The following MBOAT2 variants were observed in gnomAD, a reference collection of about 807,000 sequenced individuals.
MBOAT2 encodes the protein membrane bound glycerophospholipid O-acyltransferase 2, also known as membrane-bound glycerophospholipid O-acyltransferase 2.
Under a neutral mutation model 63.4 loss-of-function variants are expected in MBOAT2, and 28 were observed. The observed-to-expected ratio is 0.44, with a 90% CI of 0.33 to 0.61. MBOAT2 has a LOEUF of 0.61. Ranked by LOEUF, MBOAT2 falls within the 20% of genes least tolerant of loss-of-function variation. The pLI is 0.03. For synonymous variants in MBOAT2, 211 were observed against 215.6 expected, an observed-to-expected ratio of 0.98 and a Z score of 0.19; for missense variants, 470 against 605.8, an observed-to-expected ratio of 0.78 and a Z score of 2.35.
chr2:8,929,951 G>C (rs1045955076), intron 3 of MBOAT2, among the ~76,000 whole-genome samples: 3 of 152,034 alleles, frequency 2.0e-5, no homozygotes, highest in African/African-American at 7.2e-5. Flanking sequence ...TATAAACAGC[G>C]AAAATTTTGT....
Position 8,858,453 on chromosome 2 carries a change from C to A in MBOAT2, c.*226G>T. 2 of 469,484 alleles carry A rather than the reference C, an allele frequency of 4.3e-6. No homozygotes were observed. Among genetic ancestry groups the A allele is most frequent in the Non-Finnish European group, 3.8e-6 (1 of 264,994 alleles). 29.1% of individuals were successfully genotyped at this position (469,484 alleles called of 1,614,324 possible). A position where few individuals can be genotyped will look rare whatever the true frequency, so the allele number is the denominator to read the frequency against. ...CAAGTGCTGAGGTTGGGAGTGCCCA[C>A]TGAAATATGGAAATATTCTTACATA... is the stretch of plus-strand genomic sequence containing the variant. On this transcript the variant is annotated 3_prime_UTR_variant, in exon 13 of 13. Coordinates refer to ENST00000305997, the MANE Select transcript of MBOAT2 (RefSeq NM_138799.4).
chr2:8,995,872 T>C (rs1672263432), intron 1 of MBOAT2, among the ~76,000 whole-genome samples: 2 of 152,312 alleles, frequency 1.3e-5, no homozygotes, highest in Admixed American at 1.3e-4. Context: ...ATTACAGGCG[T>C]GAGCCATCGC....
intron 2 of MBOAT2, among the ~76,000 whole-genome samples, chr2:8,948,926 A>G (rs1157398202): frequency 6.6e-6 from 1 of 152,254 alleles, no homozygotes; most frequent in Non-Finnish European, 1.5e-5. Context: ...ACTGCTTTCC[A>G]CAATGGCCGA....
In MBOAT2 at chr2:8,950,231, G is replaced by A. The variant is rs141464136; in HGVS notation, c.222-6967C>T. Among the ~76,000 whole-genome samples, 745 of 152,040 alleles carry A rather than the reference G, an allele frequency of 4.9e-3. 2 individuals carry two copies. Among genetic ancestry groups the A allele is most frequent in the Non-Finnish European group, 8.0e-3 (547 of 67,962 alleles). On this transcript the variant is annotated intron_variant, in intron 2 of 12. Transcript: ENST00000305997. ...AACAGCCTTCTGGAGGAGTCTTTAG[G>A]GTTTTCTAAGTATAGAATCATATCA...
rs140234152 is a variant in MBOAT2, at chr2:8,895,813, A to G, written c.396-7740T>C. The stretch of plus-strand genomic sequence containing the variant: ...GAACATCTGTAGGTTGATGGCCTCG[A>G]TTCTAGAGGAAACAAATTTGACAAA... On this transcript the variant is annotated intron_variant, in intron 4 of 12. Transcript: ENST00000305997. 4.9e-3 allele frequency among the ~76,000 whole-genome samples: 745 copies of G among 152,280 alleles called. 5 individuals are homozygous for G. The highest frequency in any genetic ancestry group is 7.7e-3 in the Non-Finnish European group (525 of 68,026).
intron 2 of MBOAT2, among the ~76,000 whole-genome samples, chr2:8,950,294 T>C (rs947623381): frequency 4.6e-5 from 7 of 152,202 alleles, no homozygotes; most frequent in African/African-American, 1.7e-4. Context: ...TCTTTTCCTA[T>C]TTGGATGCCT....
In MBOAT2 at chr2:8,884,195, C is replaced by CAAAAAAAAAAAAAA. The variant is rs1169179642; in HGVS notation, c.452-1644_452-1631dup. ...AGGTTTCAGTGAGCCAAGACTCAGC[C>CAAAAAAAAAAAAAA]AAAAAAAAAAAAAAAAAAAAAAAAA... On this transcript the variant is annotated intron_variant, in intron 5 of 12. Transcript: ENST00000305997. 9.0e-5 allele frequency among the ~76,000 whole-genome samples: 2 copies of CAAAAAAAAAAAAAA among 22,102 alleles called. 1 individual carries two copies. Among genetic ancestry groups the CAAAAAAAAAAAAAA allele is most frequent in the Non-Finnish European group, 1.8e-4 (2 of 11,286 alleles). The allele number at this position is 22,102 out of a possible 152,430, so 14.5% of individuals were successfully genotyped here. A position where few individuals can be genotyped will look rare whatever the true frequency, so the allele number is the denominator to read the frequency against.
chr2:8,911,843 A>T (rs2148592346), intron 3 of MBOAT2, among the ~76,000 whole-genome samples: 1 of 152,254 alleles, frequency 6.6e-6, no homozygotes, highest in East Asian at 1.9e-4. Flanking sequence ...TTTTCTCTAT[A>T]AATTACCCAG....
intron 4 of MBOAT2, among the ~76,000 whole-genome samples, chr2:8,898,698 T>C (rs1290167900): frequency 6.6e-6 from 1 of 152,150 alleles, no homozygotes; most frequent in Non-Finnish European, 1.5e-5. Flanking sequence ...CCCTAAACCC[T>C]GGGGGCAAGA....
In MBOAT2 at chr2:8,933,533, G is replaced by A. The variant is rs184055961; in HGVS notation, c.299+9654C>T. Reference sequence around the variant, plus strand: ...AGTTATACAATTTTTATAGAGGCAGGGTTTCACTATGTTGCACAGGCTAGT... The same window carrying A: ...AGTTATACAATTTTTATAGAGGCAGAGTTTCACTATGTTGCACAGGCTAGT... On this transcript the variant is annotated intron_variant, in intron 3 of 12. Transcript: ENST00000305997. Among the ~76,000 whole-genome samples the A allele has an allele frequency of 9.3e-4, 141 of 152,144 alleles. 1 individual carries two copies. Among genetic ancestry groups the A allele is most frequent in the Non-Finnish European group, 1.7e-3 (116 of 68,008 alleles).
chr2:8,907,789 A>G (rs971242268), intron 4 of MBOAT2, among the ~76,000 whole-genome samples: 2 of 152,192 alleles, frequency 1.3e-5, no homozygotes, highest in Non-Finnish European at 2.9e-5. Context: ...AGGGAGAAAA[A>G]GGTATTTCCT....
intron 1 of MBOAT2, among the ~76,000 whole-genome samples, chr2:9,002,110 C>A (rs946980178): frequency 2.0e-5 from 3 of 151,780 alleles, no homozygotes; most frequent in Middle Eastern, 3.2e-3. Context: ...GGATGAAAAA[C>A]CCTAAATTCT....
intron 1 of MBOAT2, among the ~76,000 whole-genome samples, chr2:8,983,231 G>A (rs1671324948): frequency 2.0e-5 from 3 of 152,076 alleles, no homozygotes; most frequent in African/African-American, 7.2e-5. Flanking sequence ...AATACATATT[G>A]TATTTTCATT....
In MBOAT2 at chr2:8,908,641, T is replaced by C. The variant is rs748476735; in HGVS notation, c.375A>G (p.Gln125=). 3.1e-6 allele frequency: 5 copies of C among 1,605,368 alleles called. No homozygotes were observed. The African/African-American group carries it at 6.7e-5, about 21-fold the overall frequency. ...VTRVYIFDYG[Q]YSADFSGPMM... ...CTTACCCTGAAAAATCAGCAGAATA[T>C]TGTCCATAGTCAAAGATATAGACTC... The change falls in exon 4 of 13, where the codon CAA becomes CAG. Residue 125 remains glutamine (Q), a synonymous_variant. Transcript: ENST00000305997.
At chr2:8,912,339 GAA>G (rs1158476798) in intron 3 of MBOAT2, among the ~76,000 whole-genome samples, 158 of 100,798 alleles carry the variant, frequency 1.6e-3, no homozygotes, top group African/African-American at 4.6e-3. Flanking sequence ...AAGAAAGAAA[GAA>G]AGAAAGAAAG....
At chr2:8,974,206 T>C (rs1340040312) in intron 1 of MBOAT2, among the ~76,000 whole-genome samples, 2 of 152,170 alleles carry the variant, frequency 1.3e-5, no homozygotes, top group Non-Finnish European at 2.9e-5. Flanking sequence ...ACTAGTCTCA[T>C]GGGATGAATA....
intron 10 of MBOAT2, among the ~76,000 whole-genome samples, chr2:8,863,749 C>A (rs1296140009): frequency 1.3e-5 from 2 of 152,134 alleles, no homozygotes; most frequent in East Asian, 3.8e-4. Flanking sequence ...GTTTCCCTTG[C>A]CTAACAAATA....
chr2:8,999,853 T>TAA (rs1672562224), intron 1 of MBOAT2, among the ~76,000 whole-genome samples: 1 of 152,254 alleles, frequency 6.6e-6, no homozygotes, highest in Non-Finnish European at 1.5e-5. Flanking sequence ...ACATTTTTAT[T>TAA]AAAATTTAAG....
chr2:8,984,052 C>G (rs1183628585), intron 1 of MBOAT2, among the ~76,000 whole-genome samples: 2 of 152,046 alleles, frequency 1.3e-5, no homozygotes, highest in Non-Finnish European at 2.9e-5. Flanking sequence ...TTAGCTTTTA[C>G]AAGGAAAGAA....
Sources: allele counts gnomAD v4.1 joint callset (sites outside exome capture counted in the v4.1 genomes callset), GRCh38; gene constraint gnomAD v4.1.1; transcripts MANE v1.5; gene names NCBI Gene and HGNC (gene_info 2026-07-23, HGNC 2026-07-21).